The following ENOX1 variants were observed in gnomAD, a reference collection of about 807,000 sequenced individuals.
ENOX1 encodes the protein ecto-NOX disulfide-thiol exchanger 1.
ENOX1 carries 42 observed loss-of-function variants against 82.5 expected under a neutral mutation model. The ratio of observed to expected loss-of-function variants is 0.51; its 90% CI spans 0.40 to 0.66. The LOEUF (loss-of-function observed/expected upper bound fraction) is 0.66. Among genes scored for constraint, ENOX1 ranks in the 30% least tolerant of loss-of-function variants. The probability of loss-of-function intolerance (pLI) is 0.00; values close to 1 mark genes in which losing one functional copy is unlikely to be tolerated. For synonymous variants in ENOX1, 271 were observed against 282.2 expected (o/e 0.96, Z 0.40); for missense variants, 608 against 811.6 (o/e 0.75, Z 3.05).
chr13:43,524,363 C>T (rs1260208791), intron 2 of ENOX1, among the ~76,000 whole-genome samples: 1 of 152,146 alleles, frequency 6.6e-6, no homozygotes, highest in African/African-American at 2.4e-5. Context: ...CTCCAGGCTC[C>T]TATCTCAGGA....
In ENOX1 at chr13:43,785,843, G is replaced by A. The variant is rs974278979; in HGVS notation, c.-285+809C>T. Among the ~76,000 whole-genome samples the A allele has an allele frequency of 1.1e-4, 17 of 152,162 alleles. 1 individual carries two copies. The highest frequency in any genetic ancestry group is 8.5e-4 in the Admixed American group (13 of 15,284). On this transcript the variant is annotated intron_variant, in intron 1 of 16. Coordinates refer to ENST00000690772, the MANE Select transcript of ENOX1 (RefSeq NM_001347969.2). ...GTGTCCAACCTATGGGGTGGCTGTGGCCGTGCAGGGGGAGGACGTGGGGTG... is the reference window on the plus strand; with the variant it reads ...GTGTCCAACCTATGGGGTGGCTGTGACCGTGCAGGGGGAGGACGTGGGGTG...
chr13:43,606,005 T>A (rs570169062), intron 2 of ENOX1, among the ~76,000 whole-genome samples: 1 of 152,196 alleles, frequency 6.6e-6, no homozygotes, highest in South Asian at 2.1e-4. Context: ...AAGATCTGAA[T>A]AGACACTTCT....
chr13:43,426,969 C>T (rs2055345112), intron 3 of ENOX1, among the ~76,000 whole-genome samples: 1 of 152,196 alleles, frequency 6.6e-6, no homozygotes, highest in Admixed American at 6.5e-5. Context: ...TTCAAATGCA[C>T]TCCCCAAACT....
At chr13:43,418,505 G>A (rs1354872942) in intron 3 of ENOX1, among the ~76,000 whole-genome samples, 2 of 152,132 alleles carry the variant, frequency 1.3e-5, no homozygotes, top group Non-Finnish European at 2.9e-5. Context: ...TCCAGCCTGG[G>A]CAACAGCAAG....
chr13:43,265,592 C>T, intron 13 of ENOX1, 138 bp from the exon 14 acceptor site: 1 of 646,924 alleles, frequency 1.5e-6, no homozygotes, highest in Non-Finnish European at 2.6e-6. Context: ...AGATGGAGCA[C>T]ATATTTCTAA....
intron 2 of ENOX1, among the ~76,000 whole-genome samples, chr13:43,533,123 C>T (rs1368796451): frequency 2.0e-5 from 3 of 152,162 alleles, no homozygotes; most frequent in East Asian, 1.9e-4. Context: ...TTCTTGAAAA[C>T]GAGGACTACT....
At chr13:43,702,141 T>C (rs2086941679) in intron 1 of ENOX1, among the ~76,000 whole-genome samples, 1 of 152,240 alleles carries the variant, frequency 6.6e-6, no homozygotes, top group Non-Finnish European at 1.5e-5. Context: ...TAATGCCCTT[T>C]AGACCCAGCC....
chr13:43,320,940 T>G (rs758645799), intron 11 of ENOX1, among the ~76,000 whole-genome samples: 98 of 152,224 alleles, frequency 6.4e-4, no homozygotes, highest in Non-Finnish European at 1.0e-3. Flanking sequence ...GGTGGTCTCC[T>G]CAAATAAACA....
chr13:43,305,573 C>A (rs1593821799), intron 11 of ENOX1, among the ~76,000 whole-genome samples: 1 of 151,368 alleles, frequency 6.6e-6, no homozygotes, highest in Non-Finnish European at 1.5e-5. Context: ...AAAAAAAATT[C>A]TCTGCTCCTT....
chr13:43,731,431 T>C (rs1385991797), intron 1 of ENOX1, among the ~76,000 whole-genome samples: 1 of 152,172 alleles, frequency 6.6e-6, no homozygotes, highest in African/African-American at 2.4e-5. Context: ...CTGTTGAAGA[T>C]ATTTCTCAGC....
intron 3 of ENOX1, among the ~76,000 whole-genome samples, chr13:43,470,344 A>ATATATG (rs1566306871): frequency 8.7e-5 from 1 of 11,534 alleles, no homozygotes; most frequent in African/African-American, 2.1e-4. Context: ...ATATATACGT[A>ATATATG]TATATATATG....
intron 14 of ENOX1, among the ~76,000 whole-genome samples, chr13:43,262,165 C>T (rs932251037): frequency 6.6e-6 from 1 of 151,984 alleles, no homozygotes; most frequent in Non-Finnish European, 1.5e-5. Context: ...TAAAATAAAG[C>T]GTTAATGGTG....
chr13:43,549,807 C>G (rs1296441846), intron 2 of ENOX1, among the ~76,000 whole-genome samples: 1 of 152,130 alleles, frequency 6.6e-6, no homozygotes, highest in African/African-American at 2.4e-5. Flanking sequence ...TCAGAATTAT[C>G]CACTTCAAGT....
At chr13:43,559,236 G>T (rs57546506) in intron 2 of ENOX1, among the ~76,000 whole-genome samples, 1 of 152,062 alleles carries the variant, frequency 6.6e-6, no homozygotes, top group Non-Finnish European at 1.5e-5. Flanking sequence ...AATATGCAAG[G>T]GGCTTATTCA....
At chr13:43,445,284 T>G (rs111811055) in intron 3 of ENOX1, among the ~76,000 whole-genome samples, 1 of 151,780 alleles carries the variant, frequency 6.6e-6, no homozygotes, top group African/African-American at 2.4e-5. Flanking sequence ...CCACCACGCC[T>G]GGCTAATTTT....
intron 2 of ENOX1, among the ~76,000 whole-genome samples, chr13:43,561,992 A>AGG (rs2079696502): frequency 8.5e-6 from 1 of 117,286 alleles, no homozygotes; most frequent in Non-Finnish European, 1.7e-5. Context: ...AGGAAGAGAG[A>AGG]GAGGGAGGGA....
chr13:43,239,840 GA>G (rs1167227646), intron 14 of ENOX1, among the ~76,000 whole-genome samples: 1 of 152,198 alleles, frequency 6.6e-6, no homozygotes, highest in Non-Finnish European at 1.5e-5. Flanking sequence ...CCAATTATTA[GA>G]AAAGGAGAGT....
intron 14 of ENOX1, among the ~76,000 whole-genome samples, chr13:43,245,531 A>G (rs1234180502): frequency 6.6e-6 from 1 of 152,230 alleles, no homozygotes; most frequent in East Asian, 1.9e-4. Flanking sequence ...ATGGTTTCTT[A>G]TGGGAACATA....
chr13:43,537,943 A>G (rs532609366), intron 2 of ENOX1, among the ~76,000 whole-genome samples: 1 of 152,312 alleles, frequency 6.6e-6, no homozygotes, highest in Admixed American at 6.5e-5. Flanking sequence ...AAGACATCCT[A>G]CAGGGTACTT....
Sources: allele counts gnomAD v4.1 joint callset (sites outside exome capture counted in the v4.1 genomes callset), GRCh38; gene constraint gnomAD v4.1.1; transcripts MANE v1.5; gene names NCBI Gene and HGNC (gene_info 2026-07-23, HGNC 2026-07-21).